DLC1: variants seen among roughly 807,000 people sequenced by gnomAD.
DLC1 encodes DLC1 Rho GTPase activating protein, also known as rho GTPase-activating protein 7.
Under a neutral mutation model 140.3 loss-of-function variants are expected in DLC1, and 54 were observed. That is an observed-to-expected ratio of 0.38 (90% CI 0.31 to 0.48). The LOEUF (loss-of-function observed/expected upper bound fraction) is 0.48. Among genes scored for constraint, DLC1 ranks in the 20% least tolerant of loss-of-function variants. The pLI is 0.96. For synonymous variants in DLC1, 986 were observed against 728.1 expected, an observed-to-expected ratio of 1.35 and a Z score of -5.70; for missense variants, 2,536 against 1,907.0, an observed-to-expected ratio of 1.33 and a Z score of -6.14.
Position 13,092,612 on chromosome 8 carries a change from C to G in DLC1, c.3740G>C (p.Arg1247Thr). ...NTLKRENSSPRVMQRKQSLGK... is the reference protein window; with the variant it reads ...NTLKRENSSPTVMQRKQSLGK... ...CATGCACCTCCCATGCAGCCCGTACCTGGGAGAGGAATTCTCTCTCTTCAG... is the reference window on the plus strand; with the variant it reads ...CATGCACCTCCCATGCAGCCCGTACGTGGGAGAGGAATTCTCTCTCTTCAG... The change falls in exon 13 of 18, where the codon AGG becomes ACG. Residue 1247 changes from arginine (R) to threonine (T), a missense_variant and splice_region_variant. By Grantham distance (71) the Arg-to-Thr change is moderately conservative. Coordinates refer to ENST00000276297, the MANE Select transcript of DLC1 (RefSeq NM_182643.3). 6.2e-7 allele frequency: 1 copy of G among 1,613,954 alleles called. No individual in the cohort carries two copies. Among genetic ancestry groups the G allele is most frequent in the Non-Finnish European group, 8.5e-7 (1 of 1,179,984 alleles).
chr8:13,475,873 G>C (rs1242953089), intron 2 of DLC1, among the ~76,000 whole-genome samples: 2 of 152,182 alleles, frequency 1.3e-5, no homozygotes, highest in Non-Finnish European at 2.9e-5. Flanking sequence ...AGACTCTTAA[G>C]ACGAGAATGA....
At chr8:13,435,899 G>A (rs978069341) in intron 2 of DLC1, among the ~76,000 whole-genome samples, 1 of 152,134 alleles carries the variant, frequency 6.6e-6, no homozygotes, top group East Asian at 1.9e-4. Flanking sequence ...AATTGCCATG[G>A]CCATTCCAAC....
At position 13,539,433 on chromosome 8, in the gene DLC1, C is replaced by A. The variant is rs147603122; in HGVS notation, c.-125-39237G>T. ...GCCAAGATGGTCTCAATCTCCTGAC[C>A]TCGTGATCCGTCCACCTCGGCCTCC... On this transcript the variant is annotated intron_variant, in intron 1 of 1. Coordinates refer to the DLC1 transcript ENST00000631382. 3.3e-3 allele frequency among the ~76,000 whole-genome samples: 498 copies of A among 152,200 alleles called. 4 individuals are homozygous for A. Among genetic ancestry groups the A allele is most frequent in the African/African-American group, 0.011 (474 of 41,528 alleles).
chr8:13,377,865 T>C (rs1227606023), intron 4 of DLC1, among the ~76,000 whole-genome samples: 1 of 151,504 alleles, frequency 6.6e-6, no homozygotes, highest in Non-Finnish European at 1.5e-5. Context: ...GTTTGTGAAG[T>C]GATATAATTT....
intron 4 of DLC1, among the ~76,000 whole-genome samples, chr8:13,356,086 T>A (rs60885750): frequency 1.3e-5 from 1 of 77,514 alleles, no homozygotes; most frequent in East Asian, 4.8e-4. Context: ...CAAGACTCCA[T>A]CTCAAAAAAA....
intron 9 of DLC1, 44 bp downstream of exon 9, chr8:13,099,303 G>C: frequency 1.3e-6 from 2 of 1,569,442 alleles, no homozygotes; most frequent in Non-Finnish European, 1.7e-6. Flanking sequence ...ATGTCTTTCT[G>C]ACCCCCAGTG....
At chr8:13,430,611 A>G (rs1049259638) in intron 2 of DLC1, among the ~76,000 whole-genome samples, 1 of 152,214 alleles carries the variant, frequency 6.6e-6, no homozygotes, top group Non-Finnish European at 1.5e-5. Context: ...CACACTTTCA[A>G]CTTGAAAACA....
chr8:13,330,058 A>G (rs1014561460), intron 4 of DLC1, among the ~76,000 whole-genome samples: 8 of 152,090 alleles, frequency 5.3e-5, no homozygotes, highest in African/African-American at 1.9e-4. Context: ...TCTAACTCCT[A>G]GGCTTAAGTG....
chr8:13,596,114 G>A (rs1411914800), intron 1 of DLC1, among the ~76,000 whole-genome samples: 1 of 152,016 alleles, frequency 6.6e-6, no homozygotes. Context: ...AATGATAAGA[G>A]TGATGTAGAG....
At chr8:13,191,034 C>T (rs150912025) in intron 5 of DLC1, among the ~76,000 whole-genome samples, 140 of 151,934 alleles carry the variant, frequency 9.2e-4, no homozygotes, top group Non-Finnish European at 1.6e-3. Context: ...AGATAGATAA[C>T]GAGGTAGAAA....
chr8:13,511,769 T>A (rs1484214656), intron 1 of DLC1, among the ~76,000 whole-genome samples: 1 of 152,188 alleles, frequency 6.6e-6, no homozygotes, highest in Non-Finnish European at 1.5e-5. Flanking sequence ...CTGATCTAGA[T>A]CTTGGTCATT....
chr8:13,089,039 A>G (rs1817812904), intron 15 of DLC1, among the ~76,000 whole-genome samples: 1 of 151,698 alleles, frequency 6.6e-6, no homozygotes. Context: ...CGGGTGGATC[A>G]TCTGAGGTCA....
chr8:13,478,196 A>G (rs1800525766), intron 2 of DLC1, among the ~76,000 whole-genome samples: 1 of 152,222 alleles, frequency 6.6e-6, no homozygotes, highest in African/African-American at 2.4e-5. Context: ...GCTTACAATC[A>G]TGGTGGAAAG....
chr8:13,109,542 G>C (rs1034619782), intron 7 of DLC1, among the ~76,000 whole-genome samples: 2 of 148,240 alleles, frequency 1.3e-5, no homozygotes, highest in African/African-American at 5.0e-5. Context: ...GAGCGACAGA[G>C]TGAGACCTTG....
At chr8:13,404,893 C>G (rs563184603) in intron 2 of DLC1, among the ~76,000 whole-genome samples, 10 of 152,120 alleles carry the variant, frequency 6.6e-5, no homozygotes, top group Admixed American at 6.5e-4. Context: ...GTAATCCTAG[C>G]TACTTGGGAG....
chr8:13,462,004 G>C (rs1408564251), intron 2 of DLC1, among the ~76,000 whole-genome samples: 1 of 152,078 alleles, frequency 6.6e-6, no homozygotes, highest in African/African-American at 2.4e-5. Context: ...CCCGTTTTAC[G>C]ATCTTTCTTC....
intron 5 of DLC1, among the ~76,000 whole-genome samples, chr8:13,158,205 T>A (rs988613711): frequency 1.3e-5 from 2 of 152,240 alleles, no homozygotes; most frequent in Non-Finnish European, 2.9e-5. Flanking sequence ...AATCACCCCA[T>A]ATCATCAAGA....
At chr8:13,232,230 T>G (rs1445315101) in intron 5 of DLC1, among the ~76,000 whole-genome samples, 1 of 152,152 alleles carries the variant, frequency 6.6e-6, no homozygotes, top group Non-Finnish European at 1.5e-5. Flanking sequence ...AAGATTGGGT[T>G]GGGGATGTGT....
At chr8:13,153,788 C>G (rs895160542) in intron 5 of DLC1, among the ~76,000 whole-genome samples, 1 of 150,642 alleles carries the variant, frequency 6.6e-6, no homozygotes, top group African/African-American at 2.5e-5. Flanking sequence ...CCGATCGGTG[C>G]GTTTACAATC....
Sources: allele counts gnomAD v4.1 joint callset (sites outside exome capture counted in the v4.1 genomes callset), GRCh38; gene constraint gnomAD v4.1.1; transcripts MANE v1.5; gene names NCBI Gene and HGNC (gene_info 2026-07-23, HGNC 2026-07-21).